The following LINGO2 variants were observed in gnomAD, a reference collection of about 807,000 sequenced individuals.
LINGO2 encodes the protein leucine rich repeat and Ig domain containing 2.
In LINGO2, 14 loss-of-function variants were observed where a neutral mutation model predicts 30.6. The ratio of observed to expected loss-of-function variants is 0.46; its 90% CI spans 0.30 to 0.72. The LOEUF (loss-of-function observed/expected upper bound fraction) is 0.72. LINGO2 is among the 30% of genes least tolerant of loss of function. LINGO2 has a pLI of 0.07. For synonymous variants in LINGO2, 317 were observed against 288.5 expected, an observed-to-expected ratio of 1.10 and a Z score of -1.00; for missense variants, 729 against 751.7, an observed-to-expected ratio of 0.97 and a Z score of 0.35.
At chr9:28,580,259 T>G (rs983679289) in intron 1 of LINGO2, among the ~76,000 whole-genome samples, 2 of 152,028 alleles carry the variant, frequency 1.3e-5, no homozygotes, top group African/African-American at 4.8e-5. Flanking sequence ...ATCCAAAACT[T>G]GTATAATTTT....
chr9:27,993,935 A>G (rs1422064180), intron 5 of LINGO2, among the ~76,000 whole-genome samples: 2 of 152,152 alleles, frequency 1.3e-5, no homozygotes, highest in Non-Finnish European at 2.9e-5. Flanking sequence ...TTAAAAAAAA[A>G]AATCAAAATC....
At chr9:28,819,139 T>C in the LINGO2 span, among the ~76,000 whole-genome samples, 1 of 152,168 alleles carries the variant, frequency 6.6e-6, no homozygotes, top group African/African-American at 2.4e-5. Flanking sequence ...CTCAGTCTTA[T>C]CCATCAGAGC....
the LINGO2 span, among the ~76,000 whole-genome samples, chr9:29,127,432 A>T: frequency 6.6e-6 from 1 of 152,038 alleles, no homozygotes; most frequent in South Asian, 2.1e-4. Context: ...TCTGCTCCAT[A>T]CAGGGGAACT....
chr9:28,757,069 G>T, the LINGO2 span, among the ~76,000 whole-genome samples: 1 of 151,912 alleles, frequency 6.6e-6, no homozygotes, highest in Non-Finnish European at 1.5e-5. Flanking sequence ...TATTTTTAAG[G>T]TGACTTTTAG....
intron 1 of LINGO2, among the ~76,000 whole-genome samples, chr9:28,563,776 C>T (rs1026753377): frequency 6.6e-6 from 1 of 152,148 alleles, no homozygotes; most frequent in African/African-American, 2.4e-5. Flanking sequence ...TTTTGGCTAA[C>T]ATACTAGGCT....
chr9:28,911,056 G>A, the LINGO2 span, among the ~76,000 whole-genome samples: 1 of 151,944 alleles, frequency 6.6e-6, no homozygotes, highest in African/African-American at 2.4e-5. Context: ...CTTAGCCAGA[G>A]GGAAGTGAAA....
chr9:28,442,779 T>TTATATA (rs149764224), intron 2 of LINGO2, among the ~76,000 whole-genome samples: 1 of 151,504 alleles, frequency 6.6e-6, no homozygotes, highest in Admixed American at 6.6e-5. Flanking sequence ...CCTGTGACAG[T>TTATATA]TATATATATA....
At chr9:29,068,283 A>C in the LINGO2 span, among the ~76,000 whole-genome samples, 43 of 151,918 alleles carry the variant, frequency 2.8e-4, no homozygotes, top group African/African-American at 9.6e-4. Context: ...AAAGGATGCT[A>C]ATAGCTAATA....
At chr9:28,707,382 C>T in the LINGO2 span, among the ~76,000 whole-genome samples, 1 of 152,074 alleles carries the variant, frequency 6.6e-6, no homozygotes, top group African/African-American at 2.4e-5. Context: ...TAAATGAATT[C>T]CCCTGACAGT....
At chr9:29,018,614 T>C in the LINGO2 span, among the ~76,000 whole-genome samples, 1 of 152,244 alleles carries the variant, frequency 6.6e-6, no homozygotes, top group East Asian at 1.9e-4. Flanking sequence ...GACCAGAAGA[T>C]AGAGAGGCTT....
the LINGO2 span, among the ~76,000 whole-genome samples, chr9:28,829,795 C>A: frequency 6.6e-6 from 1 of 152,114 alleles, no homozygotes; most frequent in Non-Finnish European, 1.5e-5. Flanking sequence ...GAGGCTGAGG[C>A]AGGAGAGTCG....
chr9:28,104,501 C>T (rs1350286191), intron 4 of LINGO2, among the ~76,000 whole-genome samples: 1 of 151,758 alleles, frequency 6.6e-6, no homozygotes, highest in Non-Finnish European at 1.5e-5. Flanking sequence ...AATTCTCATT[C>T]CTCCTTCAGA....
chr9:28,170,198 C>G (rs1828543469), intron 4 of LINGO2, among the ~76,000 whole-genome samples: 1 of 152,142 alleles, frequency 6.6e-6, no homozygotes, highest in Non-Finnish European at 1.5e-5. Context: ...GGGCTTGACA[C>G]ATTTTGAGGC....
chr9:28,632,342 G>A (rs2135882974), intron 1 of LINGO2, among the ~76,000 whole-genome samples: 1 of 152,050 alleles, frequency 6.6e-6, no homozygotes, highest in Non-Finnish European at 1.5e-5. Context: ...CAGGGAAACT[G>A]CAACTATTGG....
chr9:28,804,350 C>G, the LINGO2 span, among the ~76,000 whole-genome samples: 3 of 152,054 alleles, frequency 2.0e-5, no homozygotes, highest in Admixed American at 2.0e-4. Context: ...CTAGAAATTC[C>G]TGCAAGTGAA....
intron 3 of LINGO2, among the ~76,000 whole-genome samples, chr9:28,356,688 T>C (rs1820222416): frequency 6.6e-6 from 1 of 152,186 alleles, no homozygotes; most frequent in South Asian, 2.1e-4. Context: ...ACCATATTTC[T>C]AAATGATAAT....
chr9:28,240,472 A>G (rs976946862), intron 4 of LINGO2, among the ~76,000 whole-genome samples: 24 of 152,254 alleles, frequency 1.6e-4, no homozygotes, highest in African/African-American at 5.8e-4. Context: ...AGAGTAGAGA[A>G]CCCAGAAATA....
At chr9:27,999,307 T>A (rs1821824302) in intron 5 of LINGO2, among the ~76,000 whole-genome samples, 1 of 152,020 alleles carries the variant, frequency 6.6e-6, no homozygotes, top group Non-Finnish European at 1.5e-5. Context: ...GAGGAATGCC[T>A]GGGTAAGAGA....
chr9:28,584,494 G>T (rs1824429843), intron 1 of LINGO2, among the ~76,000 whole-genome samples: 1 of 151,872 alleles, frequency 6.6e-6, no homozygotes, highest in South Asian at 2.1e-4. Context: ...AAGAAGAGCG[G>T]TGTTATTGCA....
Sources: gnomAD v4.1 joint callset for allele counts (sites outside exome capture counted in the v4.1 genomes callset) on GRCh38, gnomAD v4.1.1 for gene constraint, MANE v1.5 for transcripts, NCBI Gene and HGNC (gene_info 2026-07-23, HGNC 2026-07-21) for gene names.